The following SLC24A2 variants were observed in gnomAD, a reference collection of about 807,000 sequenced individuals.
SLC24A2 encodes solute carrier family 24 member 2, also known as sodium/potassium/calcium exchanger 2.
In SLC24A2, 36 loss-of-function variants were observed where a neutral mutation model predicts 62.0. That is an observed-to-expected ratio of 0.58 (90% CI 0.44 to 0.77). The LOEUF (loss-of-function observed/expected upper bound fraction) is 0.77, where lower values mean the gene tolerates loss of function less well. Among genes scored for constraint, SLC24A2 ranks in the 30% least tolerant of loss-of-function variants. The pLI, the probability that SLC24A2 is intolerant of heterozygous loss-of-function variation, is 0.00. For synonymous variants in SLC24A2, 358 were observed against 294.0 expected (o/e 1.22, Z -2.23); for missense variants, 846 against 817.9 (o/e 1.03, Z -0.42).
the SLC24A2 span, among the ~76,000 whole-genome samples, chr9:20,171,969 T>C: frequency 6.6e-6 from 1 of 151,922 alleles, no homozygotes; most frequent in South Asian, 2.1e-4. Flanking sequence ...TAGGCCACAG[T>C]ACAAGCCTCA....
chr9:19,643,432 T>A (rs911587466), intron 2 of SLC24A2, among the ~76,000 whole-genome samples: 1 of 152,232 alleles, frequency 6.6e-6, no homozygotes, highest in Non-Finnish European at 1.5e-5. Flanking sequence ...TAAATCTGAA[T>A]AATTGATGGA....
rs188842164 is a variant in SLC24A2, at chr9:19,612,857, A to G, written c.1078+6727T>C. ...CAAGACCCTGTTTCTAAAAACAAAC[A>G]AAAACAACTGATAAAAAACAATTTT... On this transcript the variant is annotated intron_variant, in intron 4 of 10. Coordinates refer to ENST00000341998, the MANE Select transcript of SLC24A2 (RefSeq NM_020344.4). 4.9e-4 allele frequency among the ~76,000 whole-genome samples: 75 copies of G among 152,316 alleles called. No homozygotes were observed. In the East Asian group the frequency reaches 0.011, roughly 23 times the overall value.
At chr9:19,966,917 A>T in the SLC24A2 span, among the ~76,000 whole-genome samples, 2 of 152,166 alleles carry the variant, frequency 1.3e-5, no homozygotes, top group Admixed American at 1.3e-4. Flanking sequence ...AAGCCTTTTG[A>T]TATTACTGTG....
chr9:20,151,330 T>C, the SLC24A2 span, among the ~76,000 whole-genome samples: 5 of 152,054 alleles, frequency 3.3e-5, no homozygotes, highest in East Asian at 7.8e-4. Flanking sequence ...CCTTTCAGCC[T>C]TACCATCCCC....
chr9:20,122,512 C>T, the SLC24A2 span, among the ~76,000 whole-genome samples: 3 of 152,242 alleles, frequency 2.0e-5, no homozygotes, highest in East Asian at 5.8e-4. Context: ...CACGGTGAAA[C>T]CCTGTCTCTA....
chr9:20,303,661 A>G, the SLC24A2 span, among the ~76,000 whole-genome samples: 2 of 152,306 alleles, frequency 1.3e-5, no homozygotes, highest in African/African-American at 4.8e-5. Context: ...TAGCTGCCCA[A>G]TTATTACCTC....
intron 2 of SLC24A2, among the ~76,000 whole-genome samples, chr9:19,775,329 T>C (rs553605979): frequency 4.6e-5 from 7 of 152,344 alleles, no homozygotes; most frequent in African/African-American, 1.7e-4. Context: ...CTTTTCCACC[T>C]GATGACAAGC....
At chr9:19,528,625 G>A (rs970755651) in intron 8 of SLC24A2, among the ~76,000 whole-genome samples, 41 of 152,148 alleles carry the variant, frequency 2.7e-4, no homozygotes, top group African/African-American at 8.2e-4. Flanking sequence ...GGAAGGATCA[G>A]CAGGTTTAAA....
intron 2 of SLC24A2, among the ~76,000 whole-genome samples, chr9:19,754,149 C>T (rs143017043): frequency 1.3e-3 from 195 of 152,320 alleles, no homozygotes; most frequent in Admixed American, 3.6e-3. Flanking sequence ...TGAATGAATT[C>T]CTCAGAGATT....
chr9:20,261,733 C>CTTTTTTTTTTTTT, the SLC24A2 span, among the ~76,000 whole-genome samples: 42 of 75,292 alleles, frequency 5.6e-4, 3 homozygotes, highest in East Asian at 1.9e-3. Context: ...AACACCAAAT[C>CTTTTTTTTTTTTT]TTTTTTTTTT....
chr9:20,008,086 G>T, the SLC24A2 span, among the ~76,000 whole-genome samples: 1 of 151,348 alleles, frequency 6.6e-6, no homozygotes, highest in Admixed American at 6.6e-5. Context: ...AATAGAGACG[G>T]GGTTTTGCCA....
chr9:19,980,812 G>T, the SLC24A2 span, among the ~76,000 whole-genome samples: 1 of 152,122 alleles, frequency 6.6e-6, no homozygotes. Context: ...AGTTAAATGG[G>T]ATAACATGTA....
the SLC24A2 span, among the ~76,000 whole-genome samples, chr9:20,146,698 C>T: frequency 6.6e-6 from 1 of 152,082 alleles, no homozygotes; most frequent in Non-Finnish European, 1.5e-5. Flanking sequence ...GACACCCTGT[C>T]ATCAATATGA....
chr9:20,189,034 G>T, the SLC24A2 span, among the ~76,000 whole-genome samples: 1 of 149,988 alleles, frequency 6.7e-6, no homozygotes, highest in African/African-American at 2.4e-5. Context: ...AACTCCCACA[G>T]TTCTAGACTG....
At chr9:19,614,956 G>A (rs753885305) in intron 4 of SLC24A2, among the ~76,000 whole-genome samples, 9 of 151,992 alleles carry the variant, frequency 5.9e-5, no homozygotes, top group Non-Finnish European at 8.8e-5. Flanking sequence ...CTCAAATTTC[G>A]AATCCACAAA....
At chr9:19,552,193 G>C (rs1431445944) in intron 7 of SLC24A2, among the ~76,000 whole-genome samples, 1 of 152,130 alleles carries the variant, frequency 6.6e-6, no homozygotes, top group Non-Finnish European at 1.5e-5. Flanking sequence ...GTGGAAGCTT[G>C]GTGTGCTGGC....
intron 2 of SLC24A2, among the ~76,000 whole-genome samples, chr9:19,766,128 T>G (rs913300633): frequency 3.3e-5 from 5 of 152,228 alleles, no homozygotes; most frequent in African/African-American, 9.6e-5. Flanking sequence ...GTTCTTGTGC[T>G]GTGTTTTTCA....
chr9:19,777,077 T>G (rs1822867613), intron 2 of SLC24A2, among the ~76,000 whole-genome samples: 1 of 152,206 alleles, frequency 6.6e-6, no homozygotes, highest in Non-Finnish European at 1.5e-5. Flanking sequence ...AAAAACTGCC[T>G]GGCTCCATTT....
Position 19,786,537 on chromosome 9 carries a change from C to T in SLC24A2, c.330G>A (p.Glu110=), listed in dbSNP as rs374993206. 1 of 1,614,068 alleles carries T rather than the reference C, an allele frequency of 6.2e-7. No homozygotes were observed. Among genetic ancestry groups the T allele is most frequent in the Non-Finnish European group, 8.5e-7 (1 of 1,180,044 alleles). ...CTCCTTGGGCGTGATCTGTACTATT[C>T]TCAGACTCGCCTTCCTTAGAAAGAG... ...QPPLSKEGES[E]NSTDHAQGDY... The change falls in exon 2 of 11, where the codon GAG becomes GAA. Residue 110 remains glutamate (E), a synonymous_variant. Transcript: ENST00000341998. This position sits in a 1 kb window ranked among gnomAD's most constrained non-coding sequence, Gnocchi z 5.0.
Sources: gnomAD v4.1 joint callset for allele counts (sites outside exome capture counted in the v4.1 genomes callset) on GRCh38, gnomAD v4.1.1 for gene constraint, Gnocchi (gnomAD v3.1) non-coding constraint, MANE v1.5 for transcripts, NCBI Gene and HGNC (gene_info 2026-07-23, HGNC 2026-07-21) for gene names.